Variants in RSPO2 observed in about 807,000 individuals in gnomAD.
RSPO2 encodes R-spondin 2.
A neutral mutation model predicts 30.9 loss-of-function variants in RSPO2; 14 were observed. The ratio of observed to expected loss-of-function variants is 0.45; its 90% CI spans 0.30 to 0.71. The LOEUF is 0.71. Ranked by LOEUF, RSPO2 falls within the 30% of genes least tolerant of loss-of-function variation. The pLI is 0.08. For missense variants in RSPO2, 264 were observed against 301.9 expected (o/e 0.87, Z 0.93); for synonymous variants, 107 against 96.4 (o/e 1.11, Z -0.64).
intron 5 of RSPO2, among the ~76,000 whole-genome samples, chr8:107,939,233 G>C (rs545945781): frequency 6.6e-6 from 1 of 151,904 alleles, no homozygotes; most frequent in African/African-American, 2.4e-5. Flanking sequence ...ATTTTCTGCA[G>C]AATGTTTCAG....
chr8:108,002,642 T>C (rs1158420557), intron 2 of RSPO2, among the ~76,000 whole-genome samples: 2 of 152,182 alleles, frequency 1.3e-5, no homozygotes, highest in Non-Finnish European at 2.9e-5. Context: ...ACTGTCTTAA[T>C]ATTAAAAACA....
chr8:108,031,330 C>T (rs1015212845), intron 2 of RSPO2, among the ~76,000 whole-genome samples: 1 of 152,166 alleles, frequency 6.6e-6, no homozygotes, highest in Non-Finnish European at 1.5e-5. Context: ...TAAGAGTAAA[C>T]ACATGGAGTC....
chr8:108,028,138 C>G (rs181956714), intron 2 of RSPO2, among the ~76,000 whole-genome samples: 7 of 152,214 alleles, frequency 4.6e-5, no homozygotes, highest in African/African-American at 1.4e-4. Context: ...CTACTGATAC[C>G]CAGAGTCTTA....
rs964341184 is a variant in RSPO2, at chr8:108,016,177, T to A, written c.95-26933A>T. 1.6e-4 allele frequency among the ~76,000 whole-genome samples: 24 copies of A among 152,214 alleles called. 1 individual carries two copies. The highest frequency in any genetic ancestry group is 6.5e-5 in the Admixed American group (1 of 15,276). On this transcript the variant is annotated intron_variant, in intron 2 of 5. Coordinates refer to ENST00000276659, the MANE Select transcript of RSPO2 (RefSeq NM_178565.5). ...TCAACTGCAAAGCAGAATAAAGACA[T>A]TTTCTGGCATATAGGGTCTCAAATA... is the stretch of plus-strand genomic sequence containing the variant.
intron 5 of RSPO2, among the ~76,000 whole-genome samples, chr8:107,923,166 T>G (rs1812239547): frequency 6.6e-6 from 1 of 152,140 alleles, no homozygotes; most frequent in African/African-American, 2.4e-5. Flanking sequence ...CAGAAAATAT[T>G]TGCAAGCATG....
chr8:108,006,066 G>C (rs1586621385), intron 2 of RSPO2, among the ~76,000 whole-genome samples: 1 of 152,098 alleles, frequency 6.6e-6, no homozygotes, highest in Non-Finnish European at 1.5e-5. Context: ...GATCCTAGAA[G>C]TATAATCCTA....
chr8:107,974,476 T>G (rs1814138617), intron 3 of RSPO2, among the ~76,000 whole-genome samples: 1 of 152,182 alleles, frequency 6.6e-6, no homozygotes. Flanking sequence ...ATTGTGCCAC[T>G]GCACTCCAGT....
chr8:107,990,943 A>G (rs1308515802), intron 2 of RSPO2, among the ~76,000 whole-genome samples: 1 of 152,134 alleles, frequency 6.6e-6, no homozygotes, highest in Non-Finnish European at 1.5e-5. Flanking sequence ...AAAACAAGCA[A>G]TGAGGGGCTG....
At chr8:108,063,629 G>A (rs536390890) in intron 2 of RSPO2, among the ~76,000 whole-genome samples, 1 of 151,874 alleles carries the variant, frequency 6.6e-6, no homozygotes, top group South Asian at 2.1e-4. Flanking sequence ...TAGATTCAAT[G>A]CCATCCCATC....
intron 2 of RSPO2, among the ~76,000 whole-genome samples, chr8:108,054,085 G>A (rs1812159524): frequency 6.6e-6 from 1 of 152,074 alleles, no homozygotes; most frequent in Admixed American, 6.5e-5. Context: ...TTGGATACCT[G>A]CAACAGACAC....
intron 2 of RSPO2, among the ~76,000 whole-genome samples, chr8:108,014,523 G>A (rs1156487616): frequency 2.6e-5 from 4 of 152,156 alleles, no homozygotes; most frequent in Non-Finnish European, 1.5e-5. Flanking sequence ...CATAAAAAAG[G>A]ATGAGTTCAT....
intron 5 of RSPO2, among the ~76,000 whole-genome samples, chr8:107,946,238 C>T (rs913615220): frequency 3.9e-5 from 6 of 152,188 alleles, no homozygotes; most frequent in African/African-American, 1.4e-4. Flanking sequence ...GATGCTGACA[C>T]TGAAGTTCAG....
chr8:107,973,028 TG>T (rs1427108209), intron 3 of RSPO2, among the ~76,000 whole-genome samples: 7 of 152,186 alleles, frequency 4.6e-5, no homozygotes, highest in Admixed American at 4.6e-4. Flanking sequence ...CCCAGCACTT[TG>T]GGAGGCTGAG....
chr8:107,914,716 A>C (rs1811927725), intron 5 of RSPO2, among the ~76,000 whole-genome samples: 1 of 152,206 alleles, frequency 6.6e-6, no homozygotes, highest in African/African-American at 2.4e-5. Context: ...GGAATTAATG[A>C]ATTAAGACAC....
intron 3 of RSPO2, chr8:107,983,504 T>C (rs1586600781): frequency 6.3e-7 from 1 of 1,599,582 alleles, no homozygotes; most frequent in East Asian, 2.2e-5. Context: ...CTGCCTGAGA[T>C]TCAGGGGATC....
intron 2 of RSPO2, among the ~76,000 whole-genome samples, chr8:108,006,788 T>G (rs1394687690): frequency 6.6e-6 from 1 of 152,172 alleles, no homozygotes; most frequent in Non-Finnish European, 1.5e-5. Flanking sequence ...CTATCATTAT[T>G]TAAAAAATAA....
At chr8:108,047,645 C>T (rs940096165) in intron 2 of RSPO2, among the ~76,000 whole-genome samples, 6 of 151,950 alleles carry the variant, frequency 3.9e-5, no homozygotes, top group Admixed American at 2.0e-4. Context: ...GTCAGGAGTT[C>T]GAGACCACCC....
At chr8:108,055,251 G>A (rs1279214456) in intron 2 of RSPO2, among the ~76,000 whole-genome samples, 2 of 152,194 alleles carry the variant, frequency 1.3e-5, no homozygotes, top group East Asian at 3.9e-4. Context: ...AAATGCAAAG[G>A]TAATGAGACA....
intron 2 of RSPO2, among the ~76,000 whole-genome samples, chr8:108,049,509 A>C (rs746798515): frequency 4.0e-5 from 6 of 151,832 alleles, no homozygotes; most frequent in Non-Finnish European, 7.4e-5. Flanking sequence ...CTAGGTTTTA[A>C]GCCCCGCAGG....
Sources: gnomAD v4.1 joint callset for allele counts (sites outside exome capture counted in the v4.1 genomes callset) on GRCh38, gnomAD v4.1.1 for gene constraint, MANE v1.5 for transcripts, NCBI Gene and HGNC (gene_info 2026-07-23, HGNC 2026-07-21) for gene names.